CARMIL1: variants seen among roughly 807,000 people sequenced by gnomAD.
CARMIL1 encodes the protein F-actin-uncapping protein LRRC16A.
In CARMIL1, 90 loss-of-function variants were observed where a neutral mutation model predicts 177.1. That is an observed-to-expected ratio of 0.51 (90% confidence interval 0.43 to 0.61). The LOEUF is 0.61. CARMIL1 is among the 20% of genes least tolerant of loss of function. The pLI is 0.00. For synonymous variants in CARMIL1, 577 were observed against 606.2 expected, an observed-to-expected ratio of 0.95 and a Z score of 0.71; for missense variants, 1,380 against 1,667.0, an observed-to-expected ratio of 0.83 and a Z score of 3.00.
chr6:25,340,813 T>C (rs1786846014), intron 2 of CARMIL1, among the ~76,000 whole-genome samples: 1 of 135,526 alleles, frequency 7.4e-6, no homozygotes, highest in African/African-American at 2.8e-5. Context: ...TTAAGTCGTG[T>C]AAGAATTGCT....
intron 29 of CARMIL1, chr6:25,563,592 G>A (rs376337550): frequency 3.0e-6 from 3 of 985,416 alleles, no homozygotes; most frequent in Non-Finnish European, 3.6e-6. Flanking sequence ...GTAGCGATGA[G>A]CTATCAGAAG....
At chr6:25,459,278 T>TCTTTCTCTTTCTTTCTTTCTTTC (rs1193571469) in intron 8 of CARMIL1, among the ~76,000 whole-genome samples, 1 of 41,980 alleles carries the variant, frequency 2.4e-5, no homozygotes, top group Admixed American at 2.8e-4. Context: ...TTTTTTTTTT[T>TCTTTCTCTTTCTTTCTTTCTTTC]TTAAGACAGG....
intron 2 of CARMIL1, among the ~76,000 whole-genome samples, chr6:25,392,901 A>C (rs1793020679): frequency 6.6e-6 from 1 of 152,056 alleles, no homozygotes. Context: ...GAAAAAAAAA[A>C]CAACAGTGTT....
intron 2 of CARMIL1, among the ~76,000 whole-genome samples, chr6:25,399,657 A>G (rs1793726198): frequency 6.6e-6 from 1 of 152,192 alleles, no homozygotes; most frequent in Non-Finnish European, 1.5e-5. Context: ...GGTGATTTGG[A>G]TAGAACCTGT....
intron 2 of CARMIL1, among the ~76,000 whole-genome samples, chr6:25,338,206 G>A (rs1786479614): frequency 6.6e-6 from 1 of 151,672 alleles, no homozygotes; most frequent in Non-Finnish European, 1.5e-5. Context: ...ACAGTGAGCC[G>A]AGATTGCACC....
chr6:25,333,470 G>T (rs1785903589), intron 2 of CARMIL1, among the ~76,000 whole-genome samples: 2 of 152,178 alleles, frequency 1.3e-5, no homozygotes, highest in African/African-American at 4.8e-5. Context: ...GGAGGCTGAG[G>T]CAGGGGCATC....
intron 8 of CARMIL1, among the ~76,000 whole-genome samples, chr6:25,458,469 G>A (rs887743276): frequency 8.8e-6 from 1 of 114,124 alleles, no homozygotes; most frequent in Admixed American, 1.3e-4. Flanking sequence ...CTGGGTGACA[G>A]AGCGAGACTC....
Position 25,556,739 on chromosome 6 carries a change from A to G in CARMIL1, c.2631A>G (p.Gln877=), listed in dbSNP as rs1187932292. The G allele has an allele frequency of 3.7e-6, 6 of 1,613,344 alleles. No homozygotes were observed. The Admixed American group carries it at 5.0e-5, about 13-fold the overall frequency. The change falls in exon 29 of 37, where the codon CAA becomes CAG. Residue 877 remains glutamine, a synonymous_variant. Transcript: ENST00000329474. ...GCAGACGTGGCAAGACCCTTCCTCA[A>G]CAAGAATCCTTAGAGATCGAGCTGG... is the stretch of plus-strand genomic sequence containing the variant. ...HFSRRGKTLP[Q]QESLEIELAE... is the part of the protein sequence containing the mutation.
intron 2 of CARMIL1, among the ~76,000 whole-genome samples, chr6:25,368,456 C>A (rs934738161): frequency 2.0e-4 from 30 of 152,172 alleles, no homozygotes; most frequent in African/African-American, 6.5e-4. Flanking sequence ...ACTCTTAGAG[C>A]ACATTGAACA....
At chr6:25,297,678 A>C (rs1388540434) in intron 2 of CARMIL1, among the ~76,000 whole-genome samples, 1 of 152,214 alleles carries the variant, frequency 6.6e-6, no homozygotes, top group Non-Finnish European at 1.5e-5. Flanking sequence ...TTCTTTCTGC[A>C]GAGATTTAAT....
intron 1 of CARMIL1, among the ~76,000 whole-genome samples, chr6:25,281,134 GCGCACACACACACACA>G (rs1781076858): frequency 1.5e-5 from 1 of 67,930 alleles, no homozygotes; most frequent in African/African-American, 7.1e-5. Flanking sequence ...GTGTGCGCGC[GCGCACACACACACACA>G]CACACACACA....
intron 2 of CARMIL1, among the ~76,000 whole-genome samples, chr6:25,362,008 T>G (rs920543757): frequency 3.3e-5 from 5 of 152,106 alleles, no homozygotes; most frequent in African/African-American, 1.2e-4. Context: ...AGAAAAAATT[T>G]TAAAAAATTC....
chr6:25,573,700 A>G (rs2151227423), intron 29 of CARMIL1, among the ~76,000 whole-genome samples: 1 of 151,420 alleles, frequency 6.6e-6, no homozygotes, highest in South Asian at 2.1e-4. Flanking sequence ...CCCTTCACCC[A>G]GTCTGTCCAG....
intron 2 of CARMIL1, among the ~76,000 whole-genome samples, chr6:25,345,596 A>C (rs1360443800): frequency 6.6e-6 from 1 of 152,126 alleles, no homozygotes; most frequent in East Asian, 1.9e-4. Context: ...TACTTAAGAG[A>C]AGACATTTGG....
intron 2 of CARMIL1, among the ~76,000 whole-genome samples, chr6:25,415,516 G>A (rs1795283749): frequency 1.4e-5 from 2 of 146,940 alleles, no homozygotes; most frequent in East Asian, 4.0e-4. Context: ...ATTCCCTAAA[G>A]TGCAACAATT....
chr6:25,588,676 A>G lies in CARMIL1; in HGVS notation c.3007-5739A>G, dbSNP rs192162437. On this transcript the variant is annotated intron_variant, in intron 31 of 36. Transcript: ENST00000329474. ...CTTTCTACTTTTTCCTAACATAGCT[A>G]TAGGTGACAAGTATTCCCTTAAGGA... is the stretch of plus-strand genomic sequence containing the variant. Among the ~76,000 whole-genome samples, 30 of 152,320 alleles carry G rather than the reference A, an allele frequency of 2.0e-4. No homozygotes were observed. The East Asian group carries it at 5.2e-3, about 26-fold the overall frequency.
chr6:25,312,332 A>G (rs1291611458), intron 2 of CARMIL1, among the ~76,000 whole-genome samples: 1 of 152,198 alleles, frequency 6.6e-6, no homozygotes, highest in Non-Finnish European at 1.5e-5. Flanking sequence ...CCCCAAGACA[A>G]GAGACCTGAG....
intron 26 of CARMIL1, among the ~76,000 whole-genome samples, chr6:25,543,023 A>G (rs971748556): frequency 6.6e-6 from 1 of 152,138 alleles, no homozygotes; most frequent in Non-Finnish European, 1.5e-5. Flanking sequence ...AAGTCGATGG[A>G]TTATCTTGTT....
intron 7 of CARMIL1, 50 bp downstream of exon 7, chr6:25,450,459 ATTCTAATGTTTG>A: frequency 2.1e-6 from 3 of 1,452,626 alleles, no homozygotes; most frequent in Non-Finnish European, 2.9e-6. Flanking sequence ...CCTGGAGAAT[ATTCTAATGTTTG>A]GCTGGCTTGT....
Sources: gnomAD v4.1 joint callset for allele counts (sites outside exome capture counted in the v4.1 genomes callset) on GRCh38, gnomAD v4.1.1 for gene constraint, MANE v1.5 for transcripts, NCBI Gene and HGNC (gene_info 2026-07-23, HGNC 2026-07-21) for gene names.